The following CNTNAP5 variants were observed in gnomAD, a reference collection of about 807,000 sequenced individuals.
CNTNAP5 encodes contactin associated protein family member 5, also known as contactin-associated protein-like 5.
A neutral mutation model predicts 150.2 loss-of-function variants in CNTNAP5; 72 were observed. The ratio of observed to expected loss-of-function variants is 0.48; its 90% CI spans 0.40 to 0.58. The LOEUF is 0.58. Ranked by LOEUF, CNTNAP5 falls within the 20% of genes least tolerant of loss-of-function variation. CNTNAP5 has a pLI of 0.00. For synonymous variants in CNTNAP5, 672 were observed against 619.8 expected, an observed-to-expected ratio of 1.08 and a Z score of -1.25; for missense variants, 1,636 against 1,626.2, an observed-to-expected ratio of 1.01 and a Z score of -0.10.
At chr2:124,112,654 C>A (rs1683325039) in intron 1 of CNTNAP5, among the ~76,000 whole-genome samples, 1 of 152,022 alleles carries the variant, frequency 6.6e-6, no homozygotes, top group Admixed American at 6.6e-5. Flanking sequence ...TGTGTAGGCA[C>A]CAATCATGTT....
intron 10 of CNTNAP5, among the ~76,000 whole-genome samples, chr2:124,546,775 G>C (rs1353554415): frequency 6.6e-6 from 1 of 152,082 alleles, no homozygotes; most frequent in East Asian, 1.9e-4. Flanking sequence ...TTGTGCTTTT[G>C]ATTTGTACAA....
At chr2:124,269,938 G>A (rs973466114) in intron 3 of CNTNAP5, among the ~76,000 whole-genome samples, 4 of 152,246 alleles carry the variant, frequency 2.6e-5, no homozygotes, top group South Asian at 2.1e-4. Flanking sequence ...TCATGTCTGC[G>A]GATGTTAATG....
intron 10 of CNTNAP5, among the ~76,000 whole-genome samples, chr2:124,542,755 C>T (rs963931450): frequency 2.0e-5 from 3 of 152,122 alleles, no homozygotes; most frequent in Non-Finnish European, 4.4e-5. Context: ...TCTTGCCCAT[C>T]CAAAGTTCAT....
At chr2:124,545,600 C>T (rs1243819486) in intron 10 of CNTNAP5, among the ~76,000 whole-genome samples, 2 of 152,082 alleles carry the variant, frequency 1.3e-5, no homozygotes, top group Non-Finnish European at 2.9e-5. Flanking sequence ...TTGCATGAGT[C>T]ATTATCGTGG....
intron 3 of CNTNAP5, among the ~76,000 whole-genome samples, chr2:124,383,729 A>G (rs982773974): frequency 2.0e-5 from 3 of 152,346 alleles, no homozygotes; most frequent in Admixed American, 6.5e-5. Flanking sequence ...AGTTCCTACC[A>G]TGATTGGCAC....
At chr2:124,159,603 T>G (rs1684627318) in intron 1 of CNTNAP5, among the ~76,000 whole-genome samples, 1 of 152,200 alleles carries the variant, frequency 6.6e-6, no homozygotes, top group Non-Finnish European at 1.5e-5. Flanking sequence ...TAGGTCTTAG[T>G]TTCCTTAATC....
chr2:124,210,816 CA>C (rs1264389059), intron 1 of CNTNAP5, among the ~76,000 whole-genome samples: 2 of 152,138 alleles, frequency 1.3e-5, no homozygotes, highest in Non-Finnish European at 2.9e-5. Flanking sequence ...ATCTTCAAAA[CA>C]TGAGCTTGGG....
chr2:124,103,724 A>G, intron 1 of CNTNAP5, among the ~76,000 whole-genome samples: 1 of 151,752 alleles, frequency 6.6e-6, no homozygotes, highest in East Asian at 1.9e-4. Context: ...ATGTTCAATT[A>G]CAAAATCACC....
chr2:124,707,194 A>AGAAGAAGAAGAAGAAGAG (rs1558743932), intron 13 of CNTNAP5, among the ~76,000 whole-genome samples: 3 of 146,642 alleles, frequency 2.0e-5, no homozygotes, highest in African/African-American at 7.4e-5. Context: ...AAGAAGAAGA[A>AGAAGAAGAAGAAGAAGAG]GAAGAAGAAG....
At chr2:124,204,600 A>G (rs1037715845) in intron 1 of CNTNAP5, among the ~76,000 whole-genome samples, 2 of 152,208 alleles carry the variant, frequency 1.3e-5, no homozygotes, top group African/African-American at 4.8e-5. Context: ...ATGCACTCAT[A>G]GTTACATATG....
intron 16 of CNTNAP5, among the ~76,000 whole-genome samples, chr2:124,768,850 T>C (rs914691150): frequency 1.3e-5 from 2 of 152,192 alleles, no homozygotes; most frequent in Admixed American, 1.3e-4. Flanking sequence ...TGCAATTTTG[T>C]GCAATACCAC....
chr2:124,504,647 C>G, intron 8 of CNTNAP5, 91 bp downstream of exon 8: 1 of 1,278,824 alleles, frequency 7.8e-7, no homozygotes, highest in Non-Finnish European at 1.1e-6. Context: ...ATCCAAATCT[C>G]AGGGATATGG....
chr2:124,919,628 T>A lies in CNTNAP5; in HGVS notation c.*5340T>A, dbSNP rs1482606333. ...GCTCCTCACTCAGGAGTCTCTTTAG[T>A]GCATTTGGATCATTGTCTTACTCAT... is the stretch of plus-strand genomic sequence containing the variant. On this transcript the variant is annotated 3_prime_UTR_variant, in exon 24 of 24. Coordinates refer to ENST00000682447, the MANE Select transcript of CNTNAP5 (RefSeq NM_001367498.1). 1.3e-5 allele frequency among the ~76,000 whole-genome samples: 2 copies of A among 152,060 alleles called. No individual in the cohort carries two copies. The highest frequency in any genetic ancestry group is 4.8e-5 in the African/African-American group (2 of 41,418).
intron 12 of CNTNAP5, among the ~76,000 whole-genome samples, chr2:124,628,690 A>T (rs1188442113): frequency 6.6e-6 from 1 of 152,196 alleles, no homozygotes; most frequent in East Asian, 1.9e-4. Flanking sequence ...TAGCATCATG[A>T]CAGGGTCAAA....
intron 13 of CNTNAP5, among the ~76,000 whole-genome samples, chr2:124,728,203 C>T (rs1463925665): frequency 6.6e-6 from 1 of 151,884 alleles, no homozygotes; most frequent in Non-Finnish European, 1.5e-5. Flanking sequence ...AGTATTCTAT[C>T]GAGGATTCTT....
At chr2:124,446,628 G>T in intron 5 of CNTNAP5, 125 bp from the exon 6 acceptor site, 1 of 890,272 alleles carries the variant, frequency 1.1e-6, no homozygotes, top group Admixed American at 2.7e-5. Flanking sequence ...ACAGTTCCAG[G>T]CCTGTAGGGA....
intron 19 of CNTNAP5, among the ~76,000 whole-genome samples, chr2:124,806,471 G>A (rs1573629532): frequency 6.6e-6 from 1 of 152,164 alleles, no homozygotes; most frequent in Non-Finnish European, 1.5e-5. Flanking sequence ...GTGGGAGGCA[G>A]GGTTGCTTGG....
At chr2:124,320,389 C>T in intron 3 of CNTNAP5, among the ~76,000 whole-genome samples, 1 of 152,132 alleles carries the variant, frequency 6.6e-6, no homozygotes, top group Non-Finnish European at 1.5e-5. Flanking sequence ...ATTTGCATTT[C>T]CCTGACTAAT....
intron 1 of CNTNAP5, among the ~76,000 whole-genome samples, chr2:124,092,000 T>C (rs1573747587): frequency 6.6e-6 from 1 of 152,052 alleles, no homozygotes; most frequent in Non-Finnish European, 1.5e-5. Flanking sequence ...TCTGGGCTGG[T>C]GCACTTTTGA....
Sources: gnomAD v4.1 joint callset for allele counts (sites outside exome capture counted in the v4.1 genomes callset) on GRCh38, gnomAD v4.1.1 for gene constraint, MANE v1.5 for transcripts, NCBI Gene and HGNC (gene_info 2026-07-23, HGNC 2026-07-21) for gene names.